The following PIWIL1 variants were observed in gnomAD, a reference collection of about 807,000 sequenced individuals.
PIWIL1 encodes the protein piwi like RNA-mediated gene silencing 1.
In PIWIL1, 73 loss-of-function variants were observed where a neutral mutation model predicts 114.4. The observed-to-expected ratio is 0.64, with a 90% CI of 0.53 to 0.78. PIWIL1 has a LOEUF of 0.78. Ranked by LOEUF, PIWIL1 falls within the 30% of genes least tolerant of loss-of-function variation. The pLI, the probability that PIWIL1 is intolerant of heterozygous loss-of-function variation, is 0.00. For synonymous variants in PIWIL1, 375 were observed against 369.0 expected, an observed-to-expected ratio of 1.02 and a Z score of -0.19; for missense variants, 723 against 1,063.1, an observed-to-expected ratio of 0.68 and a Z score of 4.45.
rs1251766980 is a variant in PIWIL1 at position 130,363,130 on chromosome 12, T to C, written c.2181T>C (p.Ile727=). 1 of 1,614,116 alleles carries C rather than the reference T, an allele frequency of 6.2e-7. No homozygotes were observed. ...AGTTTTTGGATTGTCTAAAATCCATTGGTAGAGGTTACAAGTAAGCATGCA... is the reference window on the plus strand; with the variant it reads ...AGTTTTTGGATTGTCTAAAATCCATCGGTAGAGGTTACAAGTAAGCATGCA... ...VPQFLDCLKS[I]GRGYNPRLTV... The change falls in exon 18 of 21, where the codon ATT becomes ATC. Residue 727 remains isoleucine, a synonymous_variant. Coordinates refer to ENST00000245255, the MANE Select transcript of PIWIL1 (RefSeq NM_004764.5).
chr12:130,343,120 GA>G lies in PIWIL1; in HGVS notation c.190+21del, dbSNP rs1370306296. 6.4e-7 allele frequency: 1 copy of G among 1,573,408 alleles called. No individual in the cohort carries two copies. The highest frequency in any genetic ancestry group is 8.7e-7 in the Non-Finnish European group (1 of 1,147,176). ...TCACAAGGTGAAGAGAAAGTAAAAGGAAGTCTTAACAACTCTGTTCAACATA... is the reference window on the plus strand; with the variant it reads ...TCACAAGGTGAAGAGAAAGTAAAAGGAGTCTTAACAACTCTGTTCAACATA... On this transcript the variant is annotated intron_variant, in intron 3 of 20. Transcript: ENST00000245255.
At chr12:130,407,733 T>G in the PIWIL1 span, 1 of 1,613,686 alleles carries the variant, frequency 6.2e-7, no homozygotes, top group South Asian at 1.1e-5. Flanking sequence ...TACCTCGACA[T>G]CGACGTTGGG....
chr12:130,394,294 G>T, the PIWIL1 span, among the ~76,000 whole-genome samples: 1 of 152,202 alleles, frequency 6.6e-6, no homozygotes, highest in Admixed American at 6.5e-5. Flanking sequence ...CTGCAGGAAG[G>T]GGCTGCGCCA....
intron 12 of PIWIL1, among the ~76,000 whole-genome samples, 178 bp downstream of exon 12, chr12:130,355,845 T>A (rs926768605): frequency 5.9e-5 from 9 of 152,176 alleles, no homozygotes; most frequent in Non-Finnish European, 1.5e-5. Context: ...TGGGAAGAAC[T>A]GAGTTCCATG....
the PIWIL1 span, among the ~76,000 whole-genome samples, chr12:130,423,026 G>C: frequency 1.3e-5 from 2 of 152,150 alleles, no homozygotes. Context: ...AAAACTGAAA[G>C]ACGGAAGTTT....
At chr12:130,385,760 C>T in the PIWIL1 span, among the ~76,000 whole-genome samples, 6 of 152,068 alleles carry the variant, frequency 3.9e-5, no homozygotes, top group Non-Finnish European at 7.4e-5. Context: ...ATCTGTGGCT[C>T]GGGGCTTTCT....
At chr12:130,407,591 A>G in the PIWIL1 span, 10 of 779,850 alleles carry the variant, frequency 1.3e-5, no homozygotes, top group African/African-American at 1.5e-4. Context: ...CATCCCTCGG[A>G]TCGGCAGCCC....
At position 130,342,956 on chromosome 12, in the gene PIWIL1, G is replaced by A. The variant is rs771325704; in HGVS notation, c.79-34G>A. ...TTTCTCTGGTGTCTGACCGCTTGAC[G>A]AAAAGAATGTTCTTTATTTGCATGT... On this transcript the variant is annotated intron_variant, in intron 2 of 20. Transcript: ENST00000245255. 4 of 1,537,010 alleles carry A rather than the reference G, an allele frequency of 2.6e-6. No homozygotes were observed. The South Asian group carries it at 3.4e-5, about 13-fold the overall frequency.
At chr12:130,375,297 G>C (rs1463025534), downstream of PIWIL1, among the ~76,000 whole-genome samples, 1 of 152,162 alleles carries the variant, frequency 6.6e-6, no homozygotes, top group South Asian at 2.1e-4. Context: ...TGTAATTGTT[G>C]TATTTCAATT....
the PIWIL1 span, chr12:130,397,187 GCTC>G: frequency 2.7e-6 from 1 of 368,418 alleles, no homozygotes; most frequent in East Asian, 3.9e-5. Flanking sequence ...GAGAGCAACC[GCTC>G]CTCTTTGTTC....
chr12:130,373,240 A>G (rs1357534562), downstream of PIWIL1, among the ~76,000 whole-genome samples: 1 of 152,230 alleles, frequency 6.6e-6, no homozygotes, highest in Non-Finnish European at 1.5e-5. Flanking sequence ...AGGTTGTCCT[A>G]GCATTAAGGA....
rs2072955312 is a variant in PIWIL1, at chr12:130,342,655, G to T, written c.64G>T (p.Val22Leu). 2 of 1,613,146 alleles carry T rather than the reference G, an allele frequency of 1.2e-6. No homozygotes were observed. The highest frequency in any genetic ancestry group is 1.7e-6 in the Non-Finnish European group (2 of 1,179,234). ...CCGCGGTCAGGAGACAGCGCAGCTG[G>T]TGGGCTCCACTGCCGTGAGTGCTTC... ...RARGQETAQL[V>L]GSTASQQPGY... Residue 22 changes from valine to leucine, a missense_variant, in exon 2 of 21, where the codon GTG becomes TTG. Transcript: ENST00000245255.
At chr12:130,340,661 T>TGGG (rs2072893442) in intron 1 of PIWIL1, among the ~76,000 whole-genome samples, 5 of 97,574 alleles carry the variant, frequency 5.1e-5, no homozygotes, top group Non-Finnish European at 6.6e-5. Context: ...GGAGGGGGGT[T>TGGG]GGTGGTGGTG....
the PIWIL1 span, among the ~76,000 whole-genome samples, chr12:130,392,451 C>A: frequency 1.0e-5 from 1 of 95,552 alleles, no homozygotes; most frequent in Non-Finnish European, 2.2e-5. Context: ...CTGTCAGTTA[C>A]CTGGTGAATA....
intron 8 of PIWIL1, 97 bp downstream of exon 8, chr12:130,349,533 GT>G (rs771308713): frequency 7.2e-6 from 6 of 833,146 alleles, no homozygotes; most frequent in Middle Eastern, 3.5e-4. Flanking sequence ...TTAAAATTGA[GT>G]GGTGGGAATA....
At chr12:130,339,106 C>T (rs1416771384) in intron 1 of PIWIL1, among the ~76,000 whole-genome samples, 1 of 152,088 alleles carries the variant, frequency 6.6e-6, no homozygotes, top group Non-Finnish European at 1.5e-5. Flanking sequence ...TGCGCTGCGC[C>T]CCCGGGAGCC....
intron 9 of PIWIL1, among the ~76,000 whole-genome samples, chr12:130,352,996 G>T (rs2073254979): frequency 6.6e-6 from 1 of 152,184 alleles, no homozygotes; most frequent in Non-Finnish European, 1.5e-5. Flanking sequence ...TCAAGAACGG[G>T]CTAGAATTCA....
the PIWIL1 span, among the ~76,000 whole-genome samples, chr12:130,420,669 G>A: frequency 8.5e-5 from 13 of 152,124 alleles, no homozygotes; most frequent in South Asian, 1.5e-3. This position sits in a 1 kb window ranked among gnomAD's most constrained non-coding sequence, Gnocchi z 4.3. Flanking sequence ...AAACCAAAGC[G>A]GAGACAAAAA....
At chr12:130,390,664 T>A in the PIWIL1 span, among the ~76,000 whole-genome samples, 1 of 152,228 alleles carries the variant, frequency 6.6e-6, no homozygotes, top group Non-Finnish European at 1.5e-5. Context: ...CTCAAGGATC[T>A]CATGTCTTGT....
Sources: allele counts gnomAD v4.1 joint callset (sites outside exome capture counted in the v4.1 genomes callset), GRCh38; gene constraint gnomAD v4.1.1; non-coding constraint Gnocchi (gnomAD v3.1); transcripts MANE v1.5; gene names NCBI Gene and HGNC (gene_info 2026-07-23, HGNC 2026-07-21).